Variants in POFUT1 observed in about 807,000 individuals in gnomAD.
POFUT1 encodes the protein GDP-fucose protein O-fucosyltransferase 1.
In POFUT1, 16 loss-of-function variants were observed where a neutral mutation model predicts 42.4. The observed-to-expected ratio is 0.38, with a 90% confidence interval of 0.26 to 0.57. The LOEUF (loss-of-function observed/expected upper bound fraction) is 0.57. Ranked by LOEUF, POFUT1 falls within the 20% of genes least tolerant of loss-of-function variation. POFUT1 has a pLI of 0.71. For synonymous variants in POFUT1, 206 were observed against 205.4 expected, an observed-to-expected ratio of 1.00 and a Z score of -0.03; for missense variants, 470 against 504.6, an observed-to-expected ratio of 0.93 and a Z score of 0.66.
At position 32,238,495 on chromosome 20, in the gene POFUT1, A is replaced by C. The variant is rs183187012; in HGVS notation, c.*3834A>C. 6.6e-6 allele frequency: 1 copy of C among 152,158 alleles called. No homozygotes were observed. The highest frequency in any genetic ancestry group is 2.4e-5 in the African/African-American group (1 of 41,438). 9.4% of individuals were successfully genotyped at this position (152,158 alleles called of 1,614,324 possible). On this transcript the variant is annotated 3_prime_UTR_variant, in exon 7 of 7. Coordinates refer to ENST00000375749, the MANE Select transcript of POFUT1 (RefSeq NM_015352.2). The stretch of plus-strand genomic sequence containing the variant: ...GAGTTTTTCTTTATTTAAAATGTTC[A>C]TTAATAAAGTTGTTGGACGGGAAGC...
In POFUT1 at chr20:32,234,578, G is replaced by C; in HGVS notation, c.1084G>C (p.Val362Leu). ...GNCVSSFTAFVKRERDLQGRP... is the reference protein window; with the variant it reads ...GNCVSSFTAFLKRERDLQGRP... ...CTGTGTCTCCTCCTTCACTGCCTTT[G>C]TGAAGCGGGAGCGGGACCTCCAGGG... The change falls in exon 7 of 7, where the codon GTG becomes CTG. Residue 362 changes from valine (V) to leucine (L), a missense_variant. Val to Leu is a conservative substitution (Grantham distance 32). Coordinates refer to ENST00000375749, the MANE Select transcript of POFUT1 (RefSeq NM_015352.2). 1 of 1,614,212 alleles carries C rather than the reference G, an allele frequency of 6.2e-7. No individual in the cohort carries two copies. Among genetic ancestry groups the C allele is most frequent in the Non-Finnish European group, 8.5e-7 (1 of 1,180,028 alleles).
At chr20:32,223,057 A>G in intron 4 of POFUT1, 5 of 985,456 alleles carry the variant, frequency 5.1e-6, no homozygotes, top group Non-Finnish European at 6.0e-6. Flanking sequence ...TGGTGGTCCC[A>G]CAGATACATA....
rs1181890031 is a variant in POFUT1, at chr20:32,208,035, G to T, written c.94G>T (p.Ala32Ser). 1.9e-6 allele frequency: 3 copies of T among 1,571,540 alleles called. No homozygotes were observed. In the Admixed American group the frequency reaches 5.4e-5, roughly 28 times the overall value. Residue 32 changes from alanine (A) to serine (S), a missense_variant, in exon 1 of 7, where the codon GCC becomes TCC. Physicochemically the swap from Ala to Ser is moderately conservative, Grantham distance 99 (BLOSUM62 1). Transcript: ENST00000375749. Reference protein sequence around the residue: ...PGMPAGSWDPAGYLLYCPCMG... With the variant: ...PGMPAGSWDPSGYLLYCPCMG... ...GATGCCTGCGGGCTCCTGGGACCCG[G>T]CCGGTTACCTGCTCTACTGCCCCTG...
rs533819738 is a variant in POFUT1, at chr20:32,237,013, C to T, written c.*2352C>T. 1 of 152,184 alleles carries T rather than the reference C, an allele frequency of 6.6e-6. No individual in the cohort carries two copies. The highest frequency in any genetic ancestry group is 1.5e-5 in the Non-Finnish European group (1 of 68,040). The allele number at this position is 152,184 out of a possible 1,614,324, so 9.4% of individuals were successfully genotyped here. Reference sequence around the variant, plus strand: ...CTAATTCACAGAATGCACTTTCTACCCTGTGTGCCATGGAGACCTCCTATG... The same window carrying T: ...CTAATTCACAGAATGCACTTTCTACTCTGTGTGCCATGGAGACCTCCTATG... On this transcript the variant is annotated 3_prime_UTR_variant, in exon 7 of 7. Coordinates refer to ENST00000375749, the MANE Select transcript of POFUT1 (RefSeq NM_015352.2).
chr20:32,223,685 G>C, intron 4 of POFUT1: 1 of 985,356 alleles, frequency 1.0e-6, no homozygotes, highest in Non-Finnish European at 1.2e-6. Flanking sequence ...GCCTGATCGG[G>C]TCTTTCTGGT....
intron 4 of POFUT1, among the ~76,000 whole-genome samples, chr20:32,221,491 T>G (rs2047390816): frequency 6.6e-6 from 1 of 151,918 alleles, no homozygotes; most frequent in Admixed American, 6.6e-5. Flanking sequence ...AGGCAGGTGA[T>G]CGCTTGAGCC....
chr20:32,215,136 G>A, intron 2 of POFUT1, 133 bp from the exon 3 acceptor site: 5 of 598,908 alleles, frequency 8.3e-6, no homozygotes, highest in Non-Finnish European at 1.2e-5. Flanking sequence ...TGATCCGCCC[G>A]CCTTATCCTC....
intron 2 of POFUT1, 63 bp from the exon 3 acceptor site, chr20:32,215,206 A>C: frequency 7.4e-7 from 1 of 1,343,286 alleles, no homozygotes; most frequent in East Asian, 2.3e-5. Context: ...TATTGTTTTA[A>C]TAAATGTCTA....
intron 4 of POFUT1, among the ~76,000 whole-genome samples, chr20:32,220,316 G>T (rs1600389016): frequency 6.6e-6 from 1 of 152,164 alleles, no homozygotes; most frequent in East Asian, 1.9e-4. Context: ...GGTAGAGATG[G>T]GTGGGGATCA....
rs539019239 is a variant in POFUT1 at position 32,229,052 on chromosome 20, A to T, written c.735+597A>T. On this transcript the variant is annotated intron_variant, in intron 5 of 6. Coordinates refer to ENST00000375749, the MANE Select transcript of POFUT1 (RefSeq NM_015352.2). ...TTCACTCATAGCCAATTGATGAGGT[A>T]ATCTTACATTTACCCACTAAACTCT... 3.3e-5 allele frequency among the ~76,000 whole-genome samples: 5 copies of T among 152,352 alleles called. No homozygotes were observed. In the East Asian group the frequency reaches 9.6e-4, roughly 29 times the overall value.
intron 1 of POFUT1, 72 bp downstream of exon 1, chr20:32,208,137 C>G: frequency 7.1e-7 from 1 of 1,401,298 alleles, no homozygotes; most frequent in Admixed American, 2.1e-5. Context: ...TCCTCAGATG[C>G]GCCCAGAGAC....
intron 4 of POFUT1, among the ~76,000 whole-genome samples, chr20:32,221,096 A>T (rs948718776): frequency 6.6e-6 from 1 of 152,182 alleles, no homozygotes; most frequent in Non-Finnish European, 1.5e-5. Context: ...GGGAAAAGAG[A>T]TCAGAGAGGT....
At chr20:32,224,015 CTT>C (rs2047402587) in intron 4 of POFUT1, among the ~76,000 whole-genome samples, 2 of 152,210 alleles carry the variant, frequency 1.3e-5, no homozygotes, top group Admixed American at 1.3e-4. Flanking sequence ...AATCAAATGA[CTT>C]AATATACACA....
At chr20:32,218,874 C>T (rs572188019) in intron 4 of POFUT1, among the ~76,000 whole-genome samples, 7 of 152,104 alleles carry the variant, frequency 4.6e-5, no homozygotes, top group Non-Finnish European at 1.0e-4. Context: ...GTTTATTGCC[C>T]CATAGCTTTG....
intron 2 of POFUT1, among the ~76,000 whole-genome samples, chr20:32,214,954 G>T (rs2047350827): frequency 6.6e-6 from 1 of 152,032 alleles, no homozygotes; most frequent in Non-Finnish European, 1.5e-5. Context: ...CACAATCTTG[G>T]CTCACTGCAA....
chr20:32,210,258 C>T, intron 2 of POFUT1, 66 bp downstream of exon 2: 1 of 1,558,812 alleles, frequency 6.4e-7, no homozygotes. Context: ...TTACACTTAA[C>T]CCTCAAGTCC....
chr20:32,211,446 A>G (rs6061226), intron 2 of POFUT1, among the ~76,000 whole-genome samples: 8,838 of 152,080 alleles, frequency 0.058, 915 homozygotes, highest in African/African-American at 0.2. Context: ...TAATTTTTGT[A>G]TTTTTAGTAG....
At chr20:32,219,208 A>G (rs2047377941) in intron 4 of POFUT1, among the ~76,000 whole-genome samples, 1 of 152,236 alleles carries the variant, frequency 6.6e-6, no homozygotes, top group African/African-American at 2.4e-5. Flanking sequence ...GATAGTGAAT[A>G]AACTTTTACA....
At chr20:32,217,856 T>C in intron 4 of POFUT1, 1 of 450,756 alleles carries the variant, frequency 2.2e-6, no homozygotes, top group South Asian at 9.3e-5. Context: ...CCCAAGGTCA[T>C]TGAGCTGTTG....
Sources: gnomAD v4.1 joint callset for allele counts (sites outside exome capture counted in the v4.1 genomes callset) on GRCh38, gnomAD v4.1.1 for gene constraint, MANE v1.5 for transcripts, NCBI Gene and HGNC (gene_info 2026-07-23, HGNC 2026-07-21) for gene names.